Variants in KIAA1217 observed in about 807,000 individuals in gnomAD.
KIAA1217 encodes KIAA1217.
In KIAA1217, 88 loss-of-function variants were observed where a neutral mutation model predicts 163.9. That is an observed-to-expected ratio of 0.54 (90% CI 0.45 to 0.64). The LOEUF (loss-of-function observed/expected upper bound fraction) is 0.64, where lower values mean the gene tolerates loss of function less well. Among genes scored for constraint, KIAA1217 ranks in the 30% least tolerant of loss-of-function variants. The probability of loss-of-function intolerance (pLI) is 0.00; values close to 1 mark genes in which losing one functional copy is unlikely to be tolerated. For synonymous variants in KIAA1217, 903 were observed against 923.1 expected, an observed-to-expected ratio of 0.98 and a Z score of 0.39; for missense variants, 2,372 against 2,475.0, an observed-to-expected ratio of 0.96 and a Z score of 0.88.
At chr10:24,143,676 G>A (rs368889820) in intron 2 of KIAA1217, among the ~76,000 whole-genome samples, 2 of 152,166 alleles carry the variant, frequency 1.3e-5, no homozygotes, top group African/African-American at 4.8e-5. Flanking sequence ...TCTGCCTAGT[G>A]TATCCCATAT....
At chr10:24,223,994 C>T (rs1043744426) in intron 2 of KIAA1217, among the ~76,000 whole-genome samples, 5 of 152,114 alleles carry the variant, frequency 3.3e-5, no homozygotes, top group African/African-American at 7.2e-5. Context: ...GGAAGATTCA[C>T]GGTTGCAAAA....
At chr10:24,444,865 T>C (rs913750181) in intron 5 of KIAA1217, among the ~76,000 whole-genome samples, 2 of 152,186 alleles carry the variant, frequency 1.3e-5, no homozygotes, top group African/African-American at 4.8e-5. Context: ...GTGGCGTGTG[T>C]TTTGTGTGTT....
intron 1 of KIAA1217, among the ~76,000 whole-genome samples, chr10:23,801,384 G>C (rs1311862269): frequency 6.6e-6 from 1 of 152,146 alleles, no homozygotes; most frequent in African/African-American, 2.4e-5. Context: ...TAGATGATGG[G>C]ATGATGGGTG....
chr10:24,283,919 T>A (rs996946563), intron 2 of KIAA1217, among the ~76,000 whole-genome samples: 4 of 149,080 alleles, frequency 2.7e-5, no homozygotes, highest in Non-Finnish European at 4.5e-5. Context: ...ATTTTTTTTT[T>A]ATGTTTTTGA....
chr10:24,541,926 T>G (rs1295225931), intron 17 of KIAA1217, among the ~76,000 whole-genome samples: 1 of 152,212 alleles, frequency 6.6e-6, no homozygotes, highest in Admixed American at 6.5e-5. Flanking sequence ...AAGGTTCTAT[T>G]GTAACAGCAT....
At chr10:23,917,211 A>C (rs1446453984) in intron 1 of KIAA1217, among the ~76,000 whole-genome samples, 1 of 152,184 alleles carries the variant, frequency 6.6e-6, no homozygotes, top group South Asian at 2.1e-4. Flanking sequence ...GAAAACTGAG[A>C]TAAAGACAGC....
At chr10:24,064,715 G>C (rs899519157) in intron 2 of KIAA1217, among the ~76,000 whole-genome samples, 3 of 152,144 alleles carry the variant, frequency 2.0e-5, no homozygotes, top group Non-Finnish European at 4.4e-5. Flanking sequence ...CAGAAGGAAT[G>C]GTACCAGCTC....
At position 23,726,539 on chromosome 10, in the gene KIAA1217, CAA is replaced by C. The variant is rs549497923; in HGVS notation, c.-321+31308_-321+31309del. Among the ~76,000 whole-genome samples the C allele has an allele frequency of 6.6e-3, 1,008 of 151,964 alleles. 11 individuals are homozygous for C. The highest frequency in any genetic ancestry group is 0.023 in the African/African-American group (973 of 41,470). On this transcript the variant is annotated intron_variant, in intron 1 of 18. Transcript: ENST00000376462. ...CACCAAACACAATGGCAACAAAAGC[CAA>C]AATTGACAAATGGGATCTAATTAAA...
At chr10:24,138,289 G>T (rs1304808713) in intron 2 of KIAA1217, among the ~76,000 whole-genome samples, 3 of 152,026 alleles carry the variant, frequency 2.0e-5, no homozygotes, top group Non-Finnish European at 4.4e-5. Flanking sequence ...CAAGTAACTG[G>T]GACTACAGGT....
At chr10:23,995,134 C>T (rs190524881) in intron 1 of KIAA1217, among the ~76,000 whole-genome samples, 1 of 152,198 alleles carries the variant, frequency 6.6e-6, no homozygotes, top group Admixed American at 6.5e-5. Flanking sequence ...TAGCACTTGC[C>T]GTGTGCCAAG....
chr10:24,242,846 G>A (rs963408037), intron 2 of KIAA1217, among the ~76,000 whole-genome samples: 6 of 152,128 alleles, frequency 3.9e-5, no homozygotes, highest in Admixed American at 1.3e-4. Context: ...TAGTGACGTG[G>A]AGCATTTTTT....
chr10:23,847,324 T>A (rs180881456), intron 1 of KIAA1217, among the ~76,000 whole-genome samples: 1 of 152,276 alleles, frequency 6.6e-6, no homozygotes, highest in African/African-American at 2.4e-5. Context: ...CAGCTCCTCC[T>A]TGTACCTCTG....
intron 5 of KIAA1217, among the ~76,000 whole-genome samples, chr10:24,472,487 G>A (rs553756319): frequency 6.6e-5 from 10 of 152,238 alleles, no homozygotes; most frequent in Admixed American, 5.9e-4. Context: ...ATTTCCCAGG[G>A]CTAACAGTAG....
chr10:24,403,275 G>A (rs958369922), intron 3 of KIAA1217, among the ~76,000 whole-genome samples: 1 of 151,914 alleles, frequency 6.6e-6, no homozygotes, highest in Non-Finnish European at 1.5e-5. Flanking sequence ...TTTTGCTCTT[G>A]TTGCCCAGGC....
chr10:24,318,742 G>A (rs912461352), intron 2 of KIAA1217, among the ~76,000 whole-genome samples: 2 of 152,130 alleles, frequency 1.3e-5, no homozygotes, highest in Non-Finnish European at 2.9e-5. Flanking sequence ...TGCAGTACTG[G>A]CATTTTAATC....
At chr10:23,720,462 C>G (rs1283373285) in intron 1 of KIAA1217, among the ~76,000 whole-genome samples, 1 of 152,040 alleles carries the variant, frequency 6.6e-6, no homozygotes, top group Non-Finnish European at 1.5e-5. Context: ...AAAGAAATCT[C>G]TTTGTGGACA....
At chr10:23,775,946 A>G (rs925967887) in intron 1 of KIAA1217, among the ~76,000 whole-genome samples, 2 of 152,220 alleles carry the variant, frequency 1.3e-5, no homozygotes, top group African/African-American at 2.4e-5. Context: ...TTCTATAACC[A>G]TAAAACATAA....
chr10:24,350,272 A>G (rs2048297507), intron 2 of KIAA1217, among the ~76,000 whole-genome samples: 1 of 152,232 alleles, frequency 6.6e-6, no homozygotes, highest in African/African-American at 2.4e-5. Flanking sequence ...TACAGCATCA[A>G]CATTGAGGGA....
chr10:23,770,559 C>T (rs1265692731), intron 1 of KIAA1217, among the ~76,000 whole-genome samples: 1 of 152,090 alleles, frequency 6.6e-6, no homozygotes, highest in Non-Finnish European at 1.5e-5. Flanking sequence ...TACATTGGCC[C>T]CTGAGGATGG....
Sources: allele counts gnomAD v4.1 joint callset (sites outside exome capture counted in the v4.1 genomes callset), GRCh38; gene constraint gnomAD v4.1.1; transcripts MANE v1.5; gene names NCBI Gene and HGNC (gene_info 2026-07-23, HGNC 2026-07-21).